PLCB1: variants seen among roughly 807,000 people sequenced by gnomAD.
The protein encoded by PLCB1 is 1-phosphatidylinositol 4,5-bisphosphate phosphodiesterase beta-1.
A neutral mutation model predicts 161.8 loss-of-function variants in PLCB1; 46 were observed. The ratio of observed to expected loss-of-function variants is 0.28; its 90% confidence interval spans 0.22 to 0.36. The LOEUF is 0.36. Among genes scored for constraint, PLCB1 ranks in the 10% least tolerant of loss-of-function variants. PLCB1 has a pLI of 1.00. For missense variants in PLCB1, 1,016 were observed against 1,472.5 expected (o/e 0.69, Z 5.07); for synonymous variants, 517 against 503.7 (o/e 1.03, Z -0.35).
At chr20:8,172,348 T>A (rs1487942097) in intron 2 of PLCB1, among the ~76,000 whole-genome samples, 1 of 152,168 alleles carries the variant, frequency 6.6e-6, no homozygotes, top group Non-Finnish European at 1.5e-5. Context: ...CCGTGAGGGA[T>A]AAGCCATGTG....
chr20:8,694,601 C>A (rs1177731726), intron 10 of PLCB1, among the ~76,000 whole-genome samples: 1 of 152,116 alleles, frequency 6.6e-6, no homozygotes, highest in Non-Finnish European at 1.5e-5. Context: ...AAACTTTGAA[C>A]CTCTTATTAC....
chr20:8,482,092 ATTTTTTTTT>A (rs199634903), intron 3 of PLCB1, among the ~76,000 whole-genome samples: 3 of 104,882 alleles, frequency 2.9e-5, no homozygotes, highest in African/African-American at 1.3e-4. Flanking sequence ...GCTTGAAGGA[ATTTTTTTTT>A]TTTTTTTTTT....
chr20:8,150,000 T>C (rs2051493291), intron 1 of PLCB1, among the ~76,000 whole-genome samples: 1 of 152,130 alleles, frequency 6.6e-6, no homozygotes, highest in African/African-American at 2.4e-5. Context: ...AGTGTTAAAA[T>C]TATTTGAAAA....
At chr20:8,611,203 C>A (rs1987894727) in intron 3 of PLCB1, among the ~76,000 whole-genome samples, 1 of 151,886 alleles carries the variant, frequency 6.6e-6, no homozygotes, top group Non-Finnish European at 1.5e-5. Flanking sequence ...ATGTAAAATT[C>A]TATTTTAAGG....
At chr20:8,619,667 A>G (rs1988126169) in intron 3 of PLCB1, among the ~76,000 whole-genome samples, 1 of 152,178 alleles carries the variant, frequency 6.6e-6, no homozygotes, top group South Asian at 2.1e-4. Context: ...CCTAATTTAC[A>G]AAGCTAGTTA....
At chr20:8,272,840 A>G (rs1370084862) in intron 2 of PLCB1, among the ~76,000 whole-genome samples, 3 of 152,176 alleles carry the variant, frequency 2.0e-5, no homozygotes, top group Non-Finnish European at 4.4e-5. Context: ...AATGGCCAAC[A>G]TTTCATGCAA....
chr20:8,540,880 G>A (rs1310154410), intron 3 of PLCB1, among the ~76,000 whole-genome samples: 1 of 152,046 alleles, frequency 6.6e-6, no homozygotes, highest in East Asian at 1.9e-4. Flanking sequence ...CTAAGCCAGT[G>A]ATTTAGAGCC....
Position 8,822,899 on chromosome 20 carries a change from C to T in PLCB1, c.3423+32638C>T, listed in dbSNP as rs180760149. Among the ~76,000 whole-genome samples, 1,425 of 152,282 alleles carry T rather than the reference C, an allele frequency of 9.4e-3. 12 individuals carry two copies. Among genetic ancestry groups the T allele is most frequent in the Non-Finnish European group, 0.015 (1,004 of 68,020 alleles). On this transcript the variant is annotated intron_variant, in intron 31 of 31. Coordinates refer to ENST00000338037, the MANE Select transcript of PLCB1 (RefSeq NM_015192.4). The stretch of plus-strand genomic sequence containing the variant: ...CCCTTTGTATCCATGGGTTCCACAT[C>T]CATGGACTCAACCAACTGCAGATCA...
At chr20:8,251,327 C>T (rs1213599143) in intron 2 of PLCB1, among the ~76,000 whole-genome samples, 2 of 151,878 alleles carry the variant, frequency 1.3e-5, no homozygotes, top group African/African-American at 4.8e-5. Context: ...GATGGTTAGG[C>T]CAAGAACGGT....
intron 31 of PLCB1, among the ~76,000 whole-genome samples, chr20:8,879,079 A>G (rs1033921393): frequency 1.3e-5 from 2 of 152,236 alleles, no homozygotes; most frequent in East Asian, 1.9e-4. Context: ...CTGTTCCTAC[A>G]TTAATTTGCT....
At chr20:8,681,263 A>C (rs1990214755) in intron 9 of PLCB1, among the ~76,000 whole-genome samples, 1 of 151,742 alleles carries the variant, frequency 6.6e-6, no homozygotes, top group South Asian at 2.1e-4. Flanking sequence ...GAGTATGACA[A>C]ATATATGAAG....
At chr20:8,826,381 G>A (rs6086610) in intron 31 of PLCB1, among the ~76,000 whole-genome samples, 33,016 of 151,634 alleles carry the variant, frequency 0.22, 4,258 homozygotes, top group Middle Eastern at 0.33. Flanking sequence ...TGTAGTCCCA[G>A]CTACTCGAGA....
At chr20:8,175,282 C>T (rs1206561918) in intron 2 of PLCB1, among the ~76,000 whole-genome samples, 2 of 151,766 alleles carry the variant, frequency 1.3e-5, no homozygotes, top group Non-Finnish European at 2.9e-5. Context: ...CAGATGTAAA[C>T]TCTAATATGT....
At chr20:8,356,502 G>A (rs1002948294) in intron 2 of PLCB1, among the ~76,000 whole-genome samples, 1 of 152,114 alleles carries the variant, frequency 6.6e-6, no homozygotes, top group African/African-American at 2.4e-5. Flanking sequence ...AGAAGGTAAG[G>A]AGGAAGGTAT....
At chr20:8,821,792 T>G (rs1263980268) in intron 31 of PLCB1, among the ~76,000 whole-genome samples, 1 of 151,898 alleles carries the variant, frequency 6.6e-6, no homozygotes, top group African/African-American at 2.4e-5. Context: ...ACCTTCTCAG[T>G]AGGCGTCTAC....
At chr20:8,461,147 G>A (rs1037305881) in intron 3 of PLCB1, among the ~76,000 whole-genome samples, 1 of 152,056 alleles carries the variant, frequency 6.6e-6, no homozygotes, top group Admixed American at 6.6e-5. Context: ...TAGCTCCTTG[G>A]CTTTCCCCAG....
intron 2 of PLCB1, among the ~76,000 whole-genome samples, chr20:8,236,968 TC>T (rs1328421290): frequency 1.3e-5 from 2 of 152,072 alleles, no homozygotes; most frequent in Non-Finnish European, 2.9e-5. Flanking sequence ...AACTAAAAGT[TC>T]CAGTGGTTGA....
intron 25 of PLCB1, among the ~76,000 whole-genome samples, chr20:8,762,410 T>C (rs1982088361): frequency 6.6e-6 from 1 of 152,228 alleles, no homozygotes; most frequent in South Asian, 2.1e-4. Context: ...AAGTGAGCAT[T>C]ACCTTTATAC....
intron 3 of PLCB1, among the ~76,000 whole-genome samples, chr20:8,594,457 G>A (rs1987257236): frequency 6.6e-6 from 1 of 152,108 alleles, no homozygotes; most frequent in African/African-American, 2.4e-5. Context: ...TTAAAATGCA[G>A]AACCTGATGA....
Sources: allele counts gnomAD v4.1 joint callset (sites outside exome capture counted in the v4.1 genomes callset), GRCh38; gene constraint gnomAD v4.1.1; transcripts MANE v1.5; gene names NCBI Gene and HGNC (gene_info 2026-07-23, HGNC 2026-07-21).